The following ALCAM variants were observed in gnomAD, a reference collection of about 807,000 sequenced individuals.
ALCAM encodes CD166 antigen.
ALCAM carries 30 observed loss-of-function variants against 70.9 expected under a neutral mutation model. The observed-to-expected ratio is 0.42, with a 90% CI of 0.32 to 0.57. The LOEUF is 0.57. ALCAM is among the 20% of genes least tolerant of loss of function. The probability of loss-of-function intolerance (pLI) is 0.11; values close to 1 mark genes in which losing one functional copy is unlikely to be tolerated. For synonymous variants in ALCAM, 249 were observed against 242.5 expected (o/e 1.03, Z -0.25); for missense variants, 591 against 695.1 (o/e 0.85, Z 1.68).
intron 1 of ALCAM, among the ~76,000 whole-genome samples, chr3:105,403,233 C>T (rs535578337): frequency 3.9e-5 from 6 of 152,242 alleles, no homozygotes; most frequent in South Asian, 2.1e-4. Context: ...AGGTGTGAAC[C>T]GCCACACCCA....
intron 1 of ALCAM, among the ~76,000 whole-genome samples, chr3:105,459,045 T>C (rs2152596266): frequency 6.6e-6 from 1 of 152,312 alleles, no homozygotes; most frequent in East Asian, 1.9e-4. Flanking sequence ...TGTTGGATGC[T>C]TAACAACACA....
At chr3:105,561,866 T>C (rs1368544921) in intron 14 of ALCAM, among the ~76,000 whole-genome samples, 2 of 152,200 alleles carry the variant, frequency 1.3e-5, no homozygotes, top group Admixed American at 1.3e-4. Context: ...TCCTCAGGAA[T>C]ACATTATTCT....
intron 1 of ALCAM, among the ~76,000 whole-genome samples, chr3:105,452,166 T>C (rs752753183): frequency 3.9e-5 from 6 of 152,058 alleles, no homozygotes; most frequent in Admixed American, 1.3e-4. Context: ...TAGGTATACA[T>C]GTGCCATGGT....
rs1231654774 is a variant in ALCAM, at chr3:105,532,004, C to A, written c.397C>A (p.Gln133Lys). The change falls in exon 4 of 16, where the codon CAA (glutamine) becomes AAA (lysine). Residue 133 changes from glutamine (Q) to lysine (K), a missense_variant and splice_region_variant. By Grantham distance (53) the Gln-to-Lys change is moderately conservative. This residue lies in a region of ALCAM where 427 missense variants were observed against 450.4 expected (regional missense o/e 0.95). Coordinates refer to ENST00000306107, the MANE Select transcript of ALCAM (RefSeq NM_001627.4). ...EAPTIVKVFK[Q>K]PSKPEIVSKA... Reference sequence around the variant, plus strand: ...AATCTTTCTCTGCTTAACTTTAGAGCAACCATCTAAACCTGAAATTGTAAG... The same window carrying A: ...AATCTTTCTCTGCTTAACTTTAGAGAAACCATCTAAACCTGAAATTGTAAG... The A allele has an allele frequency of 8.7e-6, 14 of 1,612,742 alleles. No individual in the cohort carries two copies. The highest frequency in any genetic ancestry group is 1.2e-5 in the Non-Finnish European group (14 of 1,179,276).
intron 1 of ALCAM, among the ~76,000 whole-genome samples, chr3:105,454,321 A>G (rs1005566851): frequency 6.6e-6 from 1 of 152,234 alleles, no homozygotes; most frequent in Non-Finnish European, 1.5e-5. Context: ...AAGAGTAAAC[A>G]AACTATTTTA....
chr3:105,406,063 T>A (rs971002467), intron 1 of ALCAM, among the ~76,000 whole-genome samples: 6 of 152,196 alleles, frequency 3.9e-5, no homozygotes, highest in Non-Finnish European at 8.8e-5. Context: ...TATATGTCTA[T>A]GTGTAAGTGT....
At chr3:105,403,103 C>A (rs539047462) in intron 1 of ALCAM, among the ~76,000 whole-genome samples, 2 of 152,030 alleles carry the variant, frequency 1.3e-5, no homozygotes, top group Non-Finnish European at 2.9e-5. Flanking sequence ...CCCGCCACCA[C>A]GCCCAGCCAA....
At chr3:105,536,127 T>C (rs1246842863) in intron 6 of ALCAM, among the ~76,000 whole-genome samples, 1 of 150,694 alleles carries the variant, frequency 6.6e-6, no homozygotes, top group Non-Finnish European at 1.5e-5. Flanking sequence ...ATAGTCTCAC[T>C]CTGTTGCCCA....
chr3:105,477,124 C>T (rs1012368205), intron 1 of ALCAM, among the ~76,000 whole-genome samples: 7 of 152,060 alleles, frequency 4.6e-5, no homozygotes, highest in African/African-American at 1.7e-4. Flanking sequence ...CTTTTTCTTT[C>T]CAGTTTCAGG....
Position 105,547,237 on chromosome 3 carries a change from A to G in ALCAM, c.1193A>G (p.Glu398Gly). 1 of 1,606,908 alleles carries G rather than the reference A, an allele frequency of 6.2e-7. No homozygotes were observed. The highest frequency in any genetic ancestry group is 1.1e-5 in the South Asian group (1 of 89,766). The part of the protein sequence containing the change: ...GNYVCETALQ[E>G]VEGLKKRESL... ...TATGTCTGCGAAACTGCTCTGCAGG[A>G]GGTTGAAGGACTAAAGAAAAGAGAG... Residue 398 changes from glutamate (E) to glycine (G), a missense_variant, in exon 10 of 16, where the codon GAG (glutamate) becomes GGG (glycine). By Grantham distance (98) the Glu-to-Gly change is moderately conservative. Coordinates refer to ENST00000306107, the MANE Select transcript of ALCAM (RefSeq NM_001627.4).
At chr3:105,405,451 T>C (rs555667676) in intron 1 of ALCAM, among the ~76,000 whole-genome samples, 1 of 152,074 alleles carries the variant, frequency 6.6e-6, no homozygotes, top group Non-Finnish European at 1.5e-5. Context: ...AACACAATAA[T>C]AGTGACGGAC....
At chr3:105,462,769 A>G (rs1326038466) in intron 1 of ALCAM, among the ~76,000 whole-genome samples, 1 of 151,400 alleles carries the variant, frequency 6.6e-6, no homozygotes, top group Non-Finnish European at 1.5e-5. Context: ...CAAAGAGATT[A>G]GTTAAAGGCT....
chr3:105,444,352 G>A (rs939391349), intron 1 of ALCAM, among the ~76,000 whole-genome samples: 8 of 152,170 alleles, frequency 5.3e-5, no homozygotes, highest in Non-Finnish European at 8.8e-5. Context: ...TGGCAGGAGA[G>A]AGATAACAAG....
intron 1 of ALCAM, among the ~76,000 whole-genome samples, chr3:105,492,390 AAATT>A (rs2152611702): frequency 6.6e-6 from 1 of 152,312 alleles, no homozygotes. Flanking sequence ...TCAAATAGCT[AAATT>A]AATTTCTGAA....
intron 6 of ALCAM, among the ~76,000 whole-genome samples, chr3:105,536,253 C>T (rs1939966611): frequency 6.6e-6 from 1 of 151,904 alleles, no homozygotes; most frequent in Non-Finnish European, 1.5e-5. Flanking sequence ...GCCACCACAC[C>T]CTGCTGATTT....
At chr3:105,495,840 A>T (rs188783443) in intron 1 of ALCAM, among the ~76,000 whole-genome samples, 1 of 152,348 alleles carries the variant, frequency 6.6e-6, no homozygotes, top group African/African-American at 2.4e-5. Context: ...AATAGGTCTC[A>T]GTTAAATAAT....
intron 1 of ALCAM, among the ~76,000 whole-genome samples, chr3:105,480,066 A>T (rs114596805): frequency 0.017 from 2,587 of 152,282 alleles, 38 homozygotes; most frequent in African/African-American, 0.036. Context: ...CCCAAAAAAC[A>T]CACAGTTGAA....
At chr3:105,571,250 G>C (rs962534354) in intron 14 of ALCAM, among the ~76,000 whole-genome samples, 1 of 152,116 alleles carries the variant, frequency 6.6e-6, no homozygotes, top group African/African-American at 2.4e-5. Context: ...TTTCTTGCAA[G>C]TTCACAGGGG....
intron 1 of ALCAM, among the ~76,000 whole-genome samples, chr3:105,491,279 T>C: frequency 6.6e-6 from 1 of 152,162 alleles, no homozygotes; most frequent in Non-Finnish European, 1.5e-5. Flanking sequence ...AAACCATTTT[T>C]TCCTCCTAGG....
Sources: gnomAD v4.1 joint callset for allele counts (sites outside exome capture counted in the v4.1 genomes callset) on GRCh38, gnomAD v4.1.1 for gene constraint, gnomAD v4.1.1 regional missense constraint, MANE v1.5 for transcripts, NCBI Gene and HGNC (gene_info 2026-07-23, HGNC 2026-07-21) for gene names.